The following KLHL5 variants were observed in gnomAD, a reference collection of about 807,000 sequenced individuals.
KLHL5 encodes kelch like family member 5.
A neutral mutation model predicts 77.7 loss-of-function variants in KLHL5; 48 were observed. That is an observed-to-expected ratio of 0.62 (90% confidence interval 0.49 to 0.79). The LOEUF is 0.79. Ranked by LOEUF, KLHL5 falls within the 30% of genes least tolerant of loss-of-function variation. The probability of loss-of-function intolerance (pLI) is 0.00; values close to 1 mark genes in which losing one functional copy is unlikely to be tolerated. For missense variants in KLHL5, 723 were observed against 859.7 expected (o/e 0.84, Z 1.99); for synonymous variants, 260 against 297.0 (o/e 0.88, Z 1.28).
At chr4:39,045,392 G>A (rs1192423306) in intron 1 of KLHL5, among the ~76,000 whole-genome samples, 1 of 151,868 alleles carries the variant, frequency 6.6e-6, no homozygotes, top group Non-Finnish European at 1.5e-5. Flanking sequence ...TTGTGGACGC[G>A]GTGCTGGTGG....
chr4:39,046,732 G>A (rs1271109011), intron 1 of KLHL5, among the ~76,000 whole-genome samples: 1 of 152,146 alleles, frequency 6.6e-6, no homozygotes, highest in Non-Finnish European at 1.5e-5. Flanking sequence ...AGGAGATATG[G>A]GATGCAGTTG....
At chr4:39,126,413 C>T (rs554654166), downstream of KLHL5, among the ~76,000 whole-genome samples, 6 of 152,248 alleles carry the variant, frequency 3.9e-5, no homozygotes, top group African/African-American at 9.6e-5. Flanking sequence ...AGGAGAGTAC[C>T]GTGTTTTTTT....
At chr4:39,058,637 G>C (rs1260073300), upstream of KLHL5, among the ~76,000 whole-genome samples, 1 of 151,946 alleles carries the variant, frequency 6.6e-6, no homozygotes, top group Non-Finnish European at 1.5e-5. Context: ...TATATATTTT[G>C]TCACCAAGGT....
intron 10 of KLHL5, among the ~76,000 whole-genome samples, chr4:39,119,661 C>A (rs1207481404): frequency 6.6e-6 from 1 of 152,124 alleles, no homozygotes; most frequent in Non-Finnish European, 1.5e-5. Flanking sequence ...TGTATAGGCA[C>A]TAAAATGAGA....
At chr4:39,070,897 C>A (rs1199215604) in intron 1 of KLHL5, among the ~76,000 whole-genome samples, 3 of 152,090 alleles carry the variant, frequency 2.0e-5, no homozygotes, top group African/African-American at 7.2e-5. Context: ...TCAATTCTCA[C>A]CTACTGCTTG....
intron 1 of KLHL5, chr4:39,063,797 G>C (rs569637009): frequency 5.7e-6 from 1 of 175,128 alleles, no homozygotes; most frequent in Admixed American, 5.7e-5. Context: ...GAAAAAAATA[G>C]GTAATTTCAT....
At chr4:39,064,262 G>A (rs1717689879) in intron 1 of KLHL5, among the ~76,000 whole-genome samples, 1 of 130,192 alleles carries the variant, frequency 7.7e-6, no homozygotes, top group Admixed American at 8.5e-5. Flanking sequence ...GGTAAATAGT[G>A]TATTTAATTT....
At chr4:39,067,885 G>A (rs900445075) in intron 1 of KLHL5, among the ~76,000 whole-genome samples, 2 of 151,906 alleles carry the variant, frequency 1.3e-5, no homozygotes, top group African/African-American at 4.8e-5. Flanking sequence ...GTTTCACCGC[G>A]TTGGCCAGGC....
chr4:39,050,176 G>A (rs2109242308), intron 1 of KLHL5, among the ~76,000 whole-genome samples: 1 of 152,194 alleles, frequency 6.6e-6, no homozygotes, highest in Admixed American at 6.5e-5. Flanking sequence ...TTTACAGTAT[G>A]TAAATGATGT....
intron 2 of KLHL5, among the ~76,000 whole-genome samples, chr4:39,077,416 C>A (rs939935973): frequency 1.3e-5 from 2 of 151,796 alleles, no homozygotes; most frequent in African/African-American, 4.8e-5. Context: ...GAGCCAAGAT[C>A]GCGCCACTGC....
At chr4:39,139,571 T>C in the KLHL5 span, among the ~76,000 whole-genome samples, 1 of 152,100 alleles carries the variant, frequency 6.6e-6, no homozygotes, top group Non-Finnish European at 1.5e-5. Flanking sequence ...AATGTGGGCC[T>C]CAGTTGTAAC....
the KLHL5 span, among the ~76,000 whole-genome samples, chr4:39,141,495 TA>T: frequency 6.6e-6 from 1 of 152,088 alleles, no homozygotes; most frequent in African/African-American, 2.4e-5. Context: ...GTATTTTTAG[TA>T]GAGACGGAAT....
intron 6 of KLHL5, among the ~76,000 whole-genome samples, chr4:39,102,684 G>A (rs1231487675): frequency 6.6e-6 from 1 of 152,160 alleles, no homozygotes; most frequent in East Asian, 1.9e-4. Flanking sequence ...TCACATTTAA[G>A]CAAACTCTGA....
intron 1 of KLHL5, among the ~76,000 whole-genome samples, chr4:39,049,733 T>G (rs922880621): frequency 1.3e-5 from 2 of 150,584 alleles, no homozygotes; most frequent in African/African-American, 2.4e-5. Context: ...AATAAATAAA[T>G]AAATGAAAGT....
the KLHL5 span, among the ~76,000 whole-genome samples, chr4:39,140,979 A>C: frequency 2.6e-5 from 4 of 152,212 alleles, no homozygotes; most frequent in East Asian, 1.9e-4. Flanking sequence ...AAAATTATCA[A>C]ATTTTTGAGT....
At position 39,125,884 on chromosome 4, in the gene KLHL5, G is replaced by A. The variant is rs1723510858; in HGVS notation, c.*4818G>A. 6.6e-6 allele frequency among the ~76,000 whole-genome samples: 1 copy of A among 152,170 alleles called. No individual in the cohort carries two copies. The highest frequency in any genetic ancestry group is 2.1e-4 in the South Asian group (1 of 4,828). On this transcript the variant is annotated 3_prime_UTR_variant, in exon 11 of 11. Coordinates refer to ENST00000504108, the MANE Select transcript of KLHL5 (RefSeq NM_015990.5). ...CTACATTATGTTATGATACTTAAATGTCATAACAATAGCATTCTGTACGCT... is the reference window on the plus strand; with the variant it reads ...CTACATTATGTTATGATACTTAAATATCATAACAATAGCATTCTGTACGCT...
the KLHL5 span, among the ~76,000 whole-genome samples, chr4:39,133,301 G>A: frequency 0.019 from 2,874 of 152,128 alleles, 80 homozygotes; most frequent in African/African-American, 0.064. Flanking sequence ...TAAGATTTGA[G>A]CTAAAGATTT....
At chr4:39,087,165 C>T (rs764714194) in intron 5 of KLHL5, among the ~76,000 whole-genome samples, 8 of 152,056 alleles carry the variant, frequency 5.3e-5, no homozygotes, top group Non-Finnish European at 8.8e-5. Flanking sequence ...CCTGCCTTGG[C>T]GTCCCAAAGT....
downstream of KLHL5, chr4:39,126,617 G>A (rs1315308835): frequency 2.4e-6 from 1 of 408,578 alleles, no homozygotes; most frequent in Non-Finnish European, 4.9e-6. Flanking sequence ...CTAGTGCCCT[G>A]GATCTTTGCC....
Sources: gnomAD v4.1 joint callset for allele counts (sites outside exome capture counted in the v4.1 genomes callset) on GRCh38, gnomAD v4.1.1 for gene constraint, MANE v1.5 for transcripts, NCBI Gene and HGNC (gene_info 2026-07-23, HGNC 2026-07-21) for gene names.